Variants in HIGD1C observed in about 807,000 individuals in gnomAD.
HIGD1C encodes the protein HIG1 hypoxia inducible domain family member 1C, also known as HIG1 domain family member 1C.
A neutral mutation model predicts 13.1 loss-of-function variants in HIGD1C; 11 were observed. The ratio of observed to expected loss-of-function variants is 0.84; its 90% CI spans 0.53 to 1.39. HIGD1C has a LOEUF of 1.39. Among genes scored for constraint, HIGD1C ranks in the 40% most tolerant of loss-of-function variants. The pLI, the probability that HIGD1C is intolerant of heterozygous loss-of-function variation, is 0.00. For missense variants in HIGD1C, 110 were observed against 112.0 expected, an observed-to-expected ratio of 0.98 and a Z score of 0.08; for synonymous variants, 36 against 37.7, an observed-to-expected ratio of 0.95 and a Z score of 0.17.
intron 1 of HIGD1C, among the ~76,000 whole-genome samples, chr12:50,954,889 T>C (rs1232684451): frequency 6.6e-6 from 1 of 152,172 alleles, no homozygotes; most frequent in Non-Finnish European, 1.5e-5. Context: ...CTTGTGAGCA[T>C]GAACTTTGGA....
the HIGD1C span, among the ~76,000 whole-genome samples, chr12:50,948,263 A>C: frequency 6.6e-6 from 1 of 152,232 alleles, no homozygotes; most frequent in African/African-American, 2.4e-5. Context: ...CAAATAAGTT[A>C]TTGAATATGC....
At chr12:50,953,857 T>C (rs1327929962), upstream of HIGD1C, 2 of 557,762 alleles carry the variant, frequency 3.6e-6, no homozygotes, top group Non-Finnish European at 6.3e-6. Flanking sequence ...GAAAGACAAT[T>C]GTTTCAGTTG....
chr12:50,939,272 TGGGTATCTGGAATTACA>T, the HIGD1C span, among the ~76,000 whole-genome samples: 203 of 152,310 alleles, frequency 1.3e-3, 1 homozygote, highest in African/African-American at 4.6e-3. Context: ...CTCAGTCTCC[TGGGTATCTGGAATTACA>T]GGCATCTGCC....
chr12:50,938,471 C>T, the HIGD1C span, among the ~76,000 whole-genome samples: 9 of 152,288 alleles, frequency 5.9e-5, no homozygotes, highest in East Asian at 1.9e-4. Flanking sequence ...GGTCCAGAAC[C>T]GTGGCTGGCC....
At chr12:50,962,427 C>A (rs4768944) in intron 2 of HIGD1C, among the ~76,000 whole-genome samples, 27,723 of 151,024 alleles carry the variant, frequency 0.18, 2,887 homozygotes, top group East Asian at 0.5. Flanking sequence ...AAGCCAGGCA[C>A]GGTGGCTCAT....
chr12:50,948,784 A>T, the HIGD1C span, among the ~76,000 whole-genome samples: 1 of 137,264 alleles, frequency 7.3e-6, no homozygotes, highest in Non-Finnish European at 1.5e-5. Context: ...AGGCAGGAGA[A>T]TCGCTGGAAC....
At chr12:50,947,091 C>T in the HIGD1C span, among the ~76,000 whole-genome samples, 1 of 152,162 alleles carries the variant, frequency 6.6e-6, no homozygotes, top group Non-Finnish European at 1.5e-5. Flanking sequence ...TATTCCTTCC[C>T]TAGTCCTTAT....
intron 2 of HIGD1C, among the ~76,000 whole-genome samples, chr12:50,966,874 G>A (rs184759731): frequency 1.3e-5 from 2 of 152,120 alleles, no homozygotes; most frequent in African/African-American, 2.4e-5. Flanking sequence ...CACAGGATTC[G>A]GGAGGCCAAG....
upstream of HIGD1C, among the ~76,000 whole-genome samples, chr12:50,952,059 A>ATTTTTT (rs141699945): frequency 7.3e-6 from 1 of 136,726 alleles, no homozygotes; most frequent in Non-Finnish European, 1.6e-5. Context: ...TAGACCAGAA[A>ATTTTTT]TTTTTTTTTT....
chr12:50,952,714 A>T (rs1938940072), upstream of HIGD1C, among the ~76,000 whole-genome samples: 1 of 152,182 alleles, frequency 6.6e-6, no homozygotes, highest in African/African-American at 2.4e-5. Context: ...CCTTACCGCC[A>T]GGTGAGCCCG....
the HIGD1C span, among the ~76,000 whole-genome samples, chr12:50,939,526 C>T: frequency 6.6e-6 from 1 of 152,126 alleles, no homozygotes; most frequent in African/African-American, 2.4e-5. Context: ...CGAATTTAAG[C>T]CGCTCATCTC....
the HIGD1C span, chr12:50,932,233 G>A: frequency 6.6e-6 from 1 of 152,292 alleles, no homozygotes; most frequent in Admixed American, 6.5e-5. Context: ...AGCAATCTGT[G>A]AGTCTGTAAA....
intron 1 of HIGD1C, among the ~76,000 whole-genome samples, chr12:50,956,996 T>C (rs1939119595): frequency 6.6e-6 from 1 of 151,990 alleles, no homozygotes; most frequent in East Asian, 1.9e-4. Context: ...TGTTATTTTT[T>C]TTTTTGCTGT....
intron 2 of HIGD1C, among the ~76,000 whole-genome samples, chr12:50,961,518 T>A (rs1592260743): frequency 6.6e-6 from 1 of 152,322 alleles, no homozygotes; most frequent in East Asian, 1.9e-4. Context: ...GAAGACATTT[T>A]TAGAGTCCAC....
Position 50,956,309 on chromosome 12 carries a change from T to C in HIGD1C, c.94+2217T>C, listed in dbSNP as rs1056391806. Among the ~76,000 whole-genome samples, 33 of 152,162 alleles carry C rather than the reference T, an allele frequency of 2.2e-4. 1 individual carries two copies. ...CAGGAGGCTGAGGCGGGAGAATCAC[T>C]TGAACTCAGGAAGTGGAGGTTGCAG... On this transcript the variant is annotated intron_variant, in intron 1 of 2. Transcript: ENST00000398455.
intron 1 of HIGD1C, among the ~76,000 whole-genome samples, chr12:50,960,522 G>A (rs889353830): frequency 5.9e-5 from 9 of 152,082 alleles, no homozygotes; most frequent in African/African-American, 2.2e-4. Context: ...AATATTAAGG[G>A]CTCATTTTAA....
At chr12:50,960,485 G>C (rs148777573) in intron 1 of HIGD1C, among the ~76,000 whole-genome samples, 27 of 152,270 alleles carry the variant, frequency 1.8e-4, no homozygotes, top group African/African-American at 6.0e-4. Context: ...TCTGGGAAGA[G>C]TCAAAACTGC....
chr12:50,970,864 C>A (rs1939735466), downstream of HIGD1C, among the ~76,000 whole-genome samples: 1 of 148,728 alleles, frequency 6.7e-6, no homozygotes, highest in African/African-American at 2.4e-5. Flanking sequence ...CAGAAGACTT[C>A]TCTTTTCTTT....
At chr12:50,967,997 G>A (rs1939604051) in intron 2 of HIGD1C, among the ~76,000 whole-genome samples, 2 of 152,146 alleles carry the variant, frequency 1.3e-5, no homozygotes, top group African/African-American at 4.8e-5. Context: ...TGAGATGAGA[G>A]GATGGCTTGA....
Sources: allele counts gnomAD v4.1 joint callset (sites outside exome capture counted in the v4.1 genomes callset), GRCh38; gene constraint gnomAD v4.1.1; transcripts MANE v1.5; gene names NCBI Gene and HGNC (gene_info 2026-07-23, HGNC 2026-07-21).